The following ATE1 variants were observed in gnomAD, a reference collection of about 807,000 sequenced individuals.
ATE1 encodes the protein arginyltransferase 1, also known as arginyl-tRNA--protein transferase 1.
ATE1 carries 36 observed loss-of-function variants against 70.5 expected under a neutral mutation model. That is an observed-to-expected ratio of 0.51 (90% CI 0.39 to 0.67). The LOEUF (loss-of-function observed/expected upper bound fraction) is 0.67, where lower values mean the gene tolerates loss of function less well. ATE1 is among the 30% of genes least tolerant of loss of function. The probability of loss-of-function intolerance (pLI) is 0.00; values close to 1 mark genes in which losing one functional copy is unlikely to be tolerated. For synonymous variants in ATE1, 232 were observed against 219.3 expected, an observed-to-expected ratio of 1.06 and a Z score of -0.51; for missense variants, 593 against 629.5, an observed-to-expected ratio of 0.94 and a Z score of 0.62.
At chr10:121,775,231 A>G (rs1239529638) in intron 11 of ATE1, among the ~76,000 whole-genome samples, 6 of 152,174 alleles carry the variant, frequency 3.9e-5, no homozygotes, top group Non-Finnish European at 8.8e-5. Context: ...AAACTACAAA[A>G]TTTGACCCCA....
At chr10:121,873,711 C>T (rs1171235779) in intron 7 of ATE1, among the ~76,000 whole-genome samples, 4 of 150,230 alleles carry the variant, frequency 2.7e-5, no homozygotes. Flanking sequence ...AAAAAGGTAC[C>T]AGAAAAATGA....
At chr10:121,911,450 A>AC (rs1564957347) in intron 4 of ATE1, among the ~76,000 whole-genome samples, 1 of 151,790 alleles carries the variant, frequency 6.6e-6, no homozygotes, top group Non-Finnish European at 1.5e-5. Flanking sequence ...ATTAAAAAAA[A>AC]AAAAAAAAAA....
chr10:121,783,652 T>TCCAAAA (rs1302862728), intron 11 of ATE1, among the ~76,000 whole-genome samples: 2 of 152,192 alleles, frequency 1.3e-5, no homozygotes, highest in African/African-American at 2.4e-5. Flanking sequence ...TTTTTATTTT[T>TCCAAAA]TAATTGGCAT....
chr10:121,852,343 G>A (rs748043122), intron 8 of ATE1, among the ~76,000 whole-genome samples: 1 of 152,122 alleles, frequency 6.6e-6, no homozygotes, highest in African/African-American at 2.4e-5. Context: ...ATCCTTTTAG[G>A]CACCTGATAC....
chr10:121,927,319 T>C, intron 1 of ATE1: 2 of 985,088 alleles, frequency 2.0e-6, no homozygotes, highest in Non-Finnish European at 2.4e-6. Flanking sequence ...GGTCACCAGT[T>C]TCTTGTCCTT....
intron 3 of ATE1, among the ~76,000 whole-genome samples, chr10:121,917,770 G>A (rs953751133): frequency 6.6e-6 from 1 of 152,120 alleles, no homozygotes; most frequent in Non-Finnish European, 1.5e-5. Context: ...GGGACAGGGG[G>A]GTTGGGGGAT....
chr10:121,910,994 T>G lies in ATE1; in HGVS notation c.495A>C (p.Glu165Asp). The G allele has an allele frequency of 6.2e-7, 1 of 1,614,120 alleles. No homozygotes were observed. The highest frequency in any genetic ancestry group is 8.5e-7 in the Non-Finnish European group (1 of 1,180,028). ...GKNSKKEEPQELLQSQDFVGE... is the reference protein window; with the variant it reads ...GKNSKKEEPQDLLQSQDFVGE... ...CTACGAAATCTTGTGACTGAAGTAATTCCTGAGGTTCTTCTTTCTTTGAAT... is the reference window on the plus strand; with the variant it reads ...CTACGAAATCTTGTGACTGAAGTAAGTCCTGAGGTTCTTCTTTCTTTGAAT... Residue 165 changes from glutamate (E) to aspartate (D), a missense_variant, in exon 5 of 12, where the codon GAA (glutamate) becomes GAC (aspartate). Glu to Asp is a conservative substitution (Grantham distance 45). Coordinates refer to ENST00000224652, the MANE Select transcript of ATE1 (RefSeq NM_001001976.3).
chr10:121,743,662 C>A lies in ATE1; in HGVS notation c.*18G>T. On this transcript the variant is annotated 3_prime_UTR_variant, in exon 12 of 12. Coordinates refer to ENST00000224652, the MANE Select transcript of ATE1 (RefSeq NM_001001976.3). ...ATCATCAGCACAACACAGGAACTTCCCGGCAGAGGTGAACAGGTCAGTTTC... is the reference window on the plus strand; with the variant it reads ...ATCATCAGCACAACACAGGAACTTCACGGCAGAGGTGAACAGGTCAGTTTC... 6.3e-7 allele frequency: 1 copy of A among 1,584,776 alleles called. No individual in the cohort carries two copies. The highest frequency in any genetic ancestry group is 1.2e-5 in the South Asian group (1 of 86,264).
intron 7 of ATE1, among the ~76,000 whole-genome samples, chr10:121,894,927 T>C (rs1431708463): frequency 1.3e-5 from 2 of 151,370 alleles, no homozygotes; most frequent in African/African-American, 4.9e-5. Flanking sequence ...AAAAATAAAA[T>C]GAGCAAAGGG....
At chr10:121,907,310 C>T (rs2134384441) in intron 5 of ATE1, among the ~76,000 whole-genome samples, 1 of 151,706 alleles carries the variant, frequency 6.6e-6, no homozygotes, top group South Asian at 2.1e-4. Flanking sequence ...CCTAAAAGTA[C>T]AAAAATTAGC....
intron 5 of ATE1, among the ~76,000 whole-genome samples, chr10:121,906,687 C>T (rs1322345493): frequency 6.6e-6 from 1 of 152,024 alleles, no homozygotes; most frequent in African/African-American, 2.4e-5. Context: ...CAACCTCTGC[C>T]CCCTGGGTTC....
rs561962101 is a variant in ATE1, at chr10:121,775,396, T to C, written c.1378+14773A>G. On this transcript the variant is annotated intron_variant, in intron 11 of 11. Coordinates refer to ENST00000224652, the MANE Select transcript of ATE1 (RefSeq NM_001001976.3). Reference sequence around the variant, plus strand: ...GCTTAAAACCTAGTTGAAGGGTCGATAGGTGCAGCAAACCACGGTGGCACA... The same window carrying C: ...GCTTAAAACCTAGTTGAAGGGTCGACAGGTGCAGCAAACCACGGTGGCACA... Among the ~76,000 whole-genome samples, 81 of 152,162 alleles carry C rather than the reference T, an allele frequency of 5.3e-4. 1 individual carries two copies. In the South Asian group the frequency reaches 0.016, roughly 30 times the overall value.
chr10:121,744,934 C>G (rs994068146), intron 11 of ATE1, among the ~76,000 whole-genome samples: 3 of 152,158 alleles, frequency 2.0e-5, no homozygotes, highest in Non-Finnish European at 4.4e-5. Flanking sequence ...TTCCTTCATT[C>G]TGCTGCCTGG....
chr10:121,859,337 A>G (rs1262114125), intron 8 of ATE1, among the ~76,000 whole-genome samples: 1 of 150,176 alleles, frequency 6.7e-6, no homozygotes, highest in African/African-American at 2.4e-5. Context: ...GCTCACTGCA[A>G]GCTCCGCCTC....
At chr10:121,854,371 T>G (rs754531298) in intron 8 of ATE1, among the ~76,000 whole-genome samples, 11 of 152,232 alleles carry the variant, frequency 7.2e-5, no homozygotes, top group Non-Finnish European at 1.5e-4. Flanking sequence ...TGGCATGTGT[T>G]TGTCCTCTAT....
At chr10:121,862,351 G>A (rs563956148) in intron 8 of ATE1, among the ~76,000 whole-genome samples, 19 of 151,802 alleles carry the variant, frequency 1.3e-4, no homozygotes, top group African/African-American at 4.6e-4. Flanking sequence ...TACTTCTTAC[G>A]TTGACAGACT....
intron 10 of ATE1, among the ~76,000 whole-genome samples, chr10:121,791,030 GTATATA>G (rs1367424361): frequency 6.7e-6 from 1 of 148,322 alleles, no homozygotes; most frequent in African/African-American, 2.5e-5. Flanking sequence ...GTGTATATAT[GTATATA>G]TGTGTATATA....
chr10:121,791,247 C>T (rs1946444452), intron 10 of ATE1, among the ~76,000 whole-genome samples: 1 of 151,814 alleles, frequency 6.6e-6, no homozygotes, highest in African/African-American at 2.4e-5. Context: ...GTGTATGCCA[C>T]CACGCCATGC....
At chr10:121,763,249 C>T (rs777971783) in intron 11 of ATE1, among the ~76,000 whole-genome samples, 4 of 152,008 alleles carry the variant, frequency 2.6e-5, no homozygotes, top group East Asian at 1.9e-4. Context: ...CTAGTAATTG[C>T]GCTTCTTGGT....
Sources: gnomAD v4.1 joint callset for allele counts (sites outside exome capture counted in the v4.1 genomes callset) on GRCh38, gnomAD v4.1.1 for gene constraint, MANE v1.5 for transcripts, NCBI Gene and HGNC (gene_info 2026-07-23, HGNC 2026-07-21) for gene names.